The following KLHL5 variants were observed in gnomAD, a reference collection of about 807,000 sequenced individuals.
The protein encoded by KLHL5 is kelch-like protein 5.
KLHL5 carries 48 observed loss-of-function variants against 77.7 expected under a neutral mutation model. That is an observed-to-expected ratio of 0.62 (90% CI 0.49 to 0.79). The LOEUF is 0.79. Among genes scored for constraint, KLHL5 ranks in the 30% least tolerant of loss-of-function variants. The probability of loss-of-function intolerance (pLI) is 0.00; values close to 1 mark genes in which losing one functional copy is unlikely to be tolerated. For missense variants in KLHL5, 723 were observed against 859.7 expected, an observed-to-expected ratio of 0.84 and a Z score of 1.99; for synonymous variants, 260 against 297.0, an observed-to-expected ratio of 0.88 and a Z score of 1.28.
chr4:39,100,468 A>G (rs1721440900), intron 6 of KLHL5, among the ~76,000 whole-genome samples: 1 of 152,224 alleles, frequency 6.6e-6, no homozygotes, highest in South Asian at 2.1e-4. Flanking sequence ...TTATGTTGTT[A>G]ATATATGGAA....
chr4:39,081,948 C>T lies in KLHL5; in HGVS notation c.704-15C>T. 1 of 1,557,092 alleles carries T rather than the reference C, an allele frequency of 6.4e-7. No homozygotes were observed. Among genetic ancestry groups the T allele is most frequent in the Non-Finnish European group, 8.7e-7 (1 of 1,153,318 alleles). On this transcript the variant is annotated splice_polypyrimidine_tract_variant and intron_variant, in intron 3 of 10. Coordinates refer to ENST00000504108, the MANE Select transcript of KLHL5 (RefSeq NM_015990.5). The surrounding 1 kb of genome is among the most constrained non-coding windows in gnomAD (Gnocchi z 4.3). ...TGTAGTTCCATGGCTAATGGAATTTCTTTTTATCATTAAGGCCGCCTTGAA... is the reference window on the plus strand; with the variant it reads ...TGTAGTTCCATGGCTAATGGAATTTTTTTTTATCATTAAGGCCGCCTTGAA...
In KLHL5 at chr4:39,081,931, C is replaced by A; in HGVS notation, c.704-32C>A. ...TTATAAAATAAGGTTAATGTAGTTC[C>A]ATGGCTAATGGAATTTCTTTTTATC... On this transcript the variant is annotated intron_variant, in intron 3 of 10. Coordinates refer to ENST00000504108, the MANE Select transcript of KLHL5 (RefSeq NM_015990.5). The surrounding 1 kb of genome is among the most constrained non-coding windows in gnomAD (Gnocchi z 4.3). 2 of 1,484,462 alleles carry A rather than the reference C, an allele frequency of 1.3e-6. No homozygotes were observed. The highest frequency in any genetic ancestry group is 1.3e-5 in the South Asian group (1 of 77,298). The allele number at this position is 1,484,462 out of a possible 1,614,324, so 92.0% of individuals were successfully genotyped here.
intron 6 of KLHL5, among the ~76,000 whole-genome samples, chr4:39,100,399 G>C (rs1560431964): frequency 6.6e-6 from 1 of 152,146 alleles, no homozygotes; most frequent in Non-Finnish European, 1.5e-5. Flanking sequence ...TCTAATTCCA[G>C]TTAGCCTTCT....
chr4:39,045,601 A>G (rs767314018), intron 1 of KLHL5, among the ~76,000 whole-genome samples: 1 of 151,700 alleles, frequency 6.6e-6, no homozygotes, highest in Non-Finnish European at 1.5e-5. Context: ...CGGGGACTTC[A>G]TTTTCCCGAG....
rs184242091 is a variant in KLHL5, at chr4:39,069,169, T to C, written c.383+6134T>C. On this transcript the variant is annotated intron_variant, in intron 1 of 10. Coordinates refer to ENST00000504108, the MANE Select transcript of KLHL5 (RefSeq NM_015990.5). Reference sequence around the variant, plus strand: ...GGACCGAAGAGAGGAAGAGAAAACATTAAGCAAGCGACACAAGTTGCACAT... The same window carrying C: ...GGACCGAAGAGAGGAAGAGAAAACACTAAGCAAGCGACACAAGTTGCACAT... Among the ~76,000 whole-genome samples, 236 of 152,178 alleles carry C rather than the reference T, an allele frequency of 1.6e-3. 2 individuals are homozygous for C. The highest frequency in any genetic ancestry group is 2.9e-3 in the Non-Finnish European group (200 of 67,986).
rs1019496643 is a variant in KLHL5 at position 39,062,429 on chromosome 4, A to C, written c.-224A>C. 1.3e-6 allele frequency: 2 copies of C among 1,509,356 alleles called. No individual in the cohort carries two copies. The highest frequency in any genetic ancestry group is 1.4e-5 in the African/African-American group (1 of 71,242). The allele number at this position is 1,509,356 out of a possible 1,614,324, so 93.5% of individuals were successfully genotyped here. On this transcript the variant is annotated 5_prime_UTR_variant, in exon 1 of 11. The change abolishes an upstream ATG in the 5' untranslated region. Coordinates refer to ENST00000504108, the MANE Select transcript of KLHL5 (RefSeq NM_015990.5). ...TGAGAGTTTGCTCTGATTGAACGGAATGTTCCACCGTGTTTCATCTTTATT... is the reference window on the plus strand; with the variant it reads ...TGAGAGTTTGCTCTGATTGAACGGACTGTTCCACCGTGTTTCATCTTTATT...
rs771845352 is a variant in KLHL5, at chr4:39,096,928, T to C, written c.1300+50T>C. ...GAGGGAGGACCAGAGAAAAAGATAT[T>C]TTAATAAGTGTATATATGGCCAAAG... On this transcript the variant is annotated intron_variant, in intron 6 of 10. Coordinates refer to ENST00000504108, the MANE Select transcript of KLHL5 (RefSeq NM_015990.5). 4 of 1,471,824 alleles carry C rather than the reference T, an allele frequency of 2.7e-6. No homozygotes were observed. The African/African-American group carries it at 4.2e-5, about 15-fold the overall frequency. 91.2% of individuals were successfully genotyped at this position (1,471,824 alleles called of 1,614,324 possible).
chr4:39,091,099 G>T (rs564566531), intron 5 of KLHL5, among the ~76,000 whole-genome samples: 1 of 149,702 alleles, frequency 6.7e-6, no homozygotes, highest in South Asian at 2.1e-4. Context: ...AGCAATTCTC[G>T]TACCTCAGCC....
At chr4:39,131,020 T>A (rs1409050666), downstream of KLHL5, among the ~76,000 whole-genome samples, 3 of 146,304 alleles carry the variant, frequency 2.1e-5, no homozygotes, top group East Asian at 4.0e-4. Flanking sequence ...TTTTTGTATT[T>A]TTTTTTTTTT....
rs527352834 is a variant in KLHL5 at position 39,126,096 on chromosome 4, G to C, written c.*5030G>C. Among the ~76,000 whole-genome samples, 1 of 152,114 alleles carries C rather than the reference G, an allele frequency of 6.6e-6. No homozygotes were observed. The highest frequency in any genetic ancestry group is 6.6e-5 in the Admixed American group (1 of 15,260). ...TAACGGGGAACTTCCCCACCGTCCG[G>C]TACATGGCAGGCATTCCACAAATGT... is the stretch of plus-strand genomic sequence containing the variant. On this transcript the variant is annotated 3_prime_UTR_variant, in exon 11 of 11. Coordinates refer to ENST00000504108, the MANE Select transcript of KLHL5 (RefSeq NM_015990.5).
chr4:39,096,868 T>C lies in KLHL5; in HGVS notation c.1290T>C (p.Asp430=). 2.5e-6 allele frequency: 4 copies of C among 1,612,396 alleles called. No individual in the cohort carries two copies. Among genetic ancestry groups the C allele is most frequent in the Non-Finnish European group, 3.4e-6 (4 of 1,178,700 alleles). ...VGTLFAVGGM[D]STKGATSIEK... The stretch of plus-strand genomic sequence containing the variant: ...CATTATTTGCAGTTGGGGGAATGGA[T>C]TCAACAAAAGGTATCAAATAATCTT... Residue 430 remains aspartate (D), a synonymous_variant, in exon 6 of 11, where the codon GAT becomes GAC. Coordinates refer to ENST00000504108, the MANE Select transcript of KLHL5 (RefSeq NM_015990.5).
chr4:39,074,567 CT>C (rs1181458955), intron 1 of KLHL5, among the ~76,000 whole-genome samples: 1 of 152,148 alleles, frequency 6.6e-6, no homozygotes, highest in African/African-American at 2.4e-5. Context: ...GAAATATAGT[CT>C]AGCTATATTC....
downstream of KLHL5, among the ~76,000 whole-genome samples, chr4:39,129,326 G>C (rs1482121506): frequency 6.6e-6 from 1 of 151,946 alleles, no homozygotes; most frequent in African/African-American, 2.4e-5. This position sits in a 1 kb window ranked among gnomAD's most constrained non-coding sequence, Gnocchi z 4.2. Flanking sequence ...TCCTGCCTCA[G>C]CCTCCTGAAT....
At chr4:39,098,726 G>A (rs1027581461) in intron 6 of KLHL5, among the ~76,000 whole-genome samples, 2 of 151,250 alleles carry the variant, frequency 1.3e-5, no homozygotes, top group South Asian at 2.1e-4. Context: ...ACCATGCCCC[G>A]CTAATTTTTT....
intron 4 of KLHL5, 28 bp downstream of exon 4, chr4:39,082,187 C>A: frequency 2.6e-6 from 4 of 1,517,202 alleles, no homozygotes; most frequent in South Asian, 2.5e-5. Flanking sequence ...GTGAGAAAGT[C>A]GATCCTCCAT....
the KLHL5 span, among the ~76,000 whole-genome samples, chr4:39,132,657 T>G: frequency 6.6e-6 from 1 of 152,108 alleles, no homozygotes; most frequent in Non-Finnish European, 1.5e-5. Flanking sequence ...CTTGATATTT[T>G]CATTGTCATT....
chr4:39,118,838 G>A (rs1266534479), intron 10 of KLHL5, among the ~76,000 whole-genome samples: 2 of 152,116 alleles, frequency 1.3e-5, no homozygotes, highest in African/African-American at 4.8e-5. Context: ...GAGAATTTGA[G>A]TGTAGAAAGG....
Position 39,105,773 on chromosome 4 carries a change from C to CACACACAT in KLHL5, c.1526-1795_1526-1794insCACACATA, listed in dbSNP as rs1553893729. On this transcript the variant is annotated intron_variant, in intron 7 of 10. Transcript: ENST00000504108. ...ACACACACACACACACACACACACA[C>CACACACAT]ATAAAATCTCCAAAAGCTAGTACTG... Among the ~76,000 whole-genome samples the CACACACAT allele has an allele frequency of 1.5e-3, 216 of 140,684 alleles. 2 individuals carry two copies. Among genetic ancestry groups the CACACACAT allele is most frequent in the African/African-American group, 5.1e-3 (204 of 39,738 alleles). 92.3% of individuals were successfully genotyped at this position (140,684 alleles called of 152,430 possible). A position where few individuals can be genotyped will look rare whatever the true frequency, so the allele number is the denominator to read the frequency against.
rs1314476108 is a variant in KLHL5 at position 39,123,968 on chromosome 4, G to A, written c.*2902G>A. Among the ~76,000 whole-genome samples, 3 of 152,046 alleles carry A rather than the reference G, an allele frequency of 2.0e-5. No individual in the cohort carries two copies. The highest frequency in any genetic ancestry group is 1.3e-4 in the Admixed American group (2 of 15,258). On this transcript the variant is annotated 3_prime_UTR_variant, in exon 11 of 11. Coordinates refer to ENST00000504108, the MANE Select transcript of KLHL5 (RefSeq NM_015990.5). ...AAGAATCCACAAAATGATTCCGGCT[G>A]ATTTTAAAAATTCAGCAATGTTGCA...
Sources: gnomAD v4.1 joint callset for allele counts (sites outside exome capture counted in the v4.1 genomes callset) on GRCh38, gnomAD v4.1.1 for gene constraint, Gnocchi (gnomAD v3.1) non-coding constraint, MANE v1.5 for transcripts, NCBI Gene and HGNC (gene_info 2026-07-23, HGNC 2026-07-21) for gene names.